Variants in CSRNP3 observed in about 807,000 individuals in gnomAD.
CSRNP3 encodes cysteine and serine rich nuclear protein 3.
In CSRNP3, 12 loss-of-function variants were observed where a neutral mutation model predicts 48.0. The ratio of observed to expected loss-of-function variants is 0.25; its 90% CI spans 0.16 to 0.41. CSRNP3 has a LOEUF of 0.41. Among genes scored for constraint, CSRNP3 ranks in the 10% least tolerant of loss-of-function variants. The pLI is 1.00. For synonymous variants in CSRNP3, 263 were observed against 269.7 expected, an observed-to-expected ratio of 0.98 and a Z score of 0.24; for missense variants, 580 against 724.4, an observed-to-expected ratio of 0.80 and a Z score of 2.29.
At chr2:165,487,887 C>A (rs1454408014) in intron 1 of CSRNP3, among the ~76,000 whole-genome samples, 1 of 143,282 alleles carries the variant, frequency 7.0e-6, no homozygotes, top group South Asian at 2.2e-4. Context: ...ACTGCATCAA[C>A]TAATGAGCAA....
intron 5 of CSRNP3, among the ~76,000 whole-genome samples, chr2:165,671,488 G>A (rs1473812406): frequency 4.6e-5 from 7 of 152,326 alleles, no homozygotes; most frequent in East Asian, 1.9e-4. Context: ...GCCATGCCCC[G>A]AGCTGTAACT....
At chr2:165,625,532 G>A (rs978055028) in intron 4 of CSRNP3, among the ~76,000 whole-genome samples, 1 of 152,036 alleles carries the variant, frequency 6.6e-6, no homozygotes, top group East Asian at 1.9e-4. Context: ...TACTTGGGAA[G>A]CTGAGACAGG....
At chr2:165,627,404 C>G (rs1686455324) in intron 4 of CSRNP3, among the ~76,000 whole-genome samples, 1 of 152,124 alleles carries the variant, frequency 6.6e-6, no homozygotes, top group Non-Finnish European at 1.5e-5. Flanking sequence ...ACTGACTGCT[C>G]TTTCTATTAT....
intron 4 of CSRNP3, among the ~76,000 whole-genome samples, chr2:165,617,696 G>T (rs1164503394): frequency 6.6e-6 from 1 of 152,188 alleles, no homozygotes; most frequent in Non-Finnish European, 1.5e-5. Flanking sequence ...GGTGTGTGGT[G>T]GTCCCACAAC....
At chr2:165,520,740 TAG>T (rs1684640321) in intron 3 of CSRNP3, among the ~76,000 whole-genome samples, 1 of 144,752 alleles carries the variant, frequency 6.9e-6, no homozygotes, top group Non-Finnish European at 1.5e-5. Flanking sequence ...ATCTATTTTA[TAG>T]ATATATAAAT....
intron 4 of CSRNP3, among the ~76,000 whole-genome samples, chr2:165,597,169 G>A (rs1191434041): frequency 1.3e-5 from 2 of 152,046 alleles, no homozygotes; most frequent in African/African-American, 4.8e-5. Flanking sequence ...TTAGTGAAGA[G>A]GCAGATTATG....
chr2:165,504,097 C>T (rs1684393901), intron 2 of CSRNP3, among the ~76,000 whole-genome samples: 2 of 152,032 alleles, frequency 1.3e-5, no homozygotes, highest in South Asian at 4.1e-4. Flanking sequence ...TTTAATTTCA[C>T]ATGAGTATCT....
intron 3 of CSRNP3, among the ~76,000 whole-genome samples, chr2:165,555,706 G>C (rs1246174997): frequency 4.6e-5 from 7 of 152,270 alleles, no homozygotes; most frequent in Non-Finnish European, 8.8e-5. Context: ...AATGACAAAA[G>C]GCTCTTATCC....
chr2:165,558,370 G>A (rs558181513), intron 3 of CSRNP3, among the ~76,000 whole-genome samples: 1 of 152,326 alleles, frequency 6.6e-6, no homozygotes, highest in Non-Finnish European at 1.5e-5. Flanking sequence ...TTATCTGAAA[G>A]CACAAGAGCA....
intron 5 of CSRNP3, among the ~76,000 whole-genome samples, chr2:165,668,125 A>G (rs755666843): frequency 6.6e-6 from 1 of 152,208 alleles, no homozygotes; most frequent in Non-Finnish European, 1.5e-5. Context: ...CAAAGCTAAT[A>G]TAGTCTTACA....
At chr2:165,669,252 C>T (rs538798860) in intron 5 of CSRNP3, among the ~76,000 whole-genome samples, 2 of 152,160 alleles carry the variant, frequency 1.3e-5, no homozygotes, top group Non-Finnish European at 1.5e-5. Context: ...GTAAACATAG[C>T]TTTTAAGTGC....
chr2:165,616,701 T>C (rs752424816), intron 4 of CSRNP3, among the ~76,000 whole-genome samples: 33 of 152,302 alleles, frequency 2.2e-4, no homozygotes, highest in Non-Finnish European at 4.7e-4. Context: ...TCTTTGACTT[T>C]TGATGGTTTG....
chr2:165,679,488 C>T lies in CSRNP3; in HGVS notation c.1493C>T (p.Pro498Leu). 1 of 1,613,504 alleles carries T rather than the reference C, an allele frequency of 6.2e-7. No homozygotes were observed. The highest frequency in any genetic ancestry group is 8.5e-7 in the Non-Finnish European group (1 of 1,179,916). The change falls in exon 7 of 7, where the codon CCC becomes CTC. Residue 498 changes from proline to leucine, a missense_variant. Transcript: ENST00000651982. Reference sequence around the variant, plus strand: ...GCCTCCCACTACCCAGCTGCCAACCCCTCTGTAATCGTTTGCTGCTCCTCT... The same window carrying T: ...GCCTCCCACTACCCAGCTGCCAACCTCTCTGTAATCGTTTGCTGCTCCTCT... ...YGASHYPAAN[P>L]SVIVCCSSSE...
chr2:165,486,081 G>T (rs942048372), intron 1 of CSRNP3, among the ~76,000 whole-genome samples: 40 of 152,260 alleles, frequency 2.6e-4, no homozygotes, highest in Middle Eastern at 3.4e-3. Flanking sequence ...CAGGCCAGTG[G>T]GTGCGCGCAC....
intron 5 of CSRNP3, among the ~76,000 whole-genome samples, chr2:165,669,714 T>G (rs1687296734): frequency 6.6e-6 from 1 of 152,300 alleles, no homozygotes; most frequent in Admixed American, 6.5e-5. Context: ...TGGTTTTATT[T>G]GTAGAGAGTC....
At chr2:165,621,692 T>C (rs2105318618) in intron 4 of CSRNP3, among the ~76,000 whole-genome samples, 1 of 152,328 alleles carries the variant, frequency 6.6e-6, no homozygotes, top group East Asian at 1.9e-4. Flanking sequence ...CCTTTCTATT[T>C]GTTGTTGTTG....
intron 4 of CSRNP3, among the ~76,000 whole-genome samples, chr2:165,645,067 C>G (rs879668903): frequency 6.6e-6 from 1 of 152,086 alleles, no homozygotes; most frequent in Non-Finnish European, 1.5e-5. Flanking sequence ...GGCACAGTGG[C>G]TCATACTTGT....
At chr2:165,643,705 T>G (rs531508582) in intron 4 of CSRNP3, among the ~76,000 whole-genome samples, 4 of 152,342 alleles carry the variant, frequency 2.6e-5, no homozygotes, top group African/African-American at 9.6e-5. Context: ...ATTTCATATT[T>G]TTATAAAATT....
chr2:165,560,686 T>G (rs1685223248), intron 3 of CSRNP3, among the ~76,000 whole-genome samples: 1 of 152,158 alleles, frequency 6.6e-6, no homozygotes, highest in South Asian at 2.1e-4. Flanking sequence ...AATCATTCTG[T>G]TTTAGGTAGG....
Sources: gnomAD v4.1 joint callset for allele counts (sites outside exome capture counted in the v4.1 genomes callset) on GRCh38, gnomAD v4.1.1 for gene constraint, MANE v1.5 for transcripts, NCBI Gene and HGNC (gene_info 2026-07-23, HGNC 2026-07-21) for gene names.